Variants in ALDH1A1 observed in about 807,000 individuals in gnomAD.
The protein encoded by ALDH1A1 is aldehyde dehydrogenase 1 family member A1, also known as aldehyde dehydrogenase 1A1.
In ALDH1A1, 19 loss-of-function variants were observed where a neutral mutation model predicts 62.1. The ratio of observed to expected loss-of-function variants is 0.31; its 90% CI spans 0.21 to 0.45. ALDH1A1 has a LOEUF of 0.45. ALDH1A1 is among the 20% of genes least tolerant of loss of function. ALDH1A1 has a pLI of 1.00. For missense variants in ALDH1A1, 521 were observed against 607.1 expected, an observed-to-expected ratio of 0.86 and a Z score of 1.49; for synonymous variants, 231 against 215.9, an observed-to-expected ratio of 1.07 and a Z score of -0.61.
chr9:72,940,322 C>T, intron 1 of ALDH1A1, 70 bp from the exon 2 acceptor site: 1 of 1,119,592 alleles, frequency 8.9e-7, no homozygotes, highest in Non-Finnish European at 1.4e-6. Context: ...TTTTCATAAA[C>T]TTAAACTAAA....
intron 7 of ALDH1A1, among the ~76,000 whole-genome samples, chr9:72,923,151 G>A (rs1035850468): frequency 1.3e-5 from 2 of 152,060 alleles, no homozygotes; most frequent in African/African-American, 4.8e-5. Flanking sequence ...TACCCATTTG[G>A]ACATCATCAT....
At chr9:72,909,869 CT>C in intron 10 of ALDH1A1, 110 bp from the exon 11 acceptor site, 4 of 892,530 alleles carry the variant, frequency 4.5e-6, no homozygotes, top group Non-Finnish European at 6.5e-6. Flanking sequence ...TAAGATTTTG[CT>C]TCTCATCTCA....
chr9:72,927,029 T>G, intron 5 of ALDH1A1, 87 bp downstream of exon 5: 1 of 947,302 alleles, frequency 1.1e-6, no homozygotes, highest in Non-Finnish European at 1.6e-6. Context: ...TACATAAGCA[T>G]CCATCTGTTT....
intron 9 of ALDH1A1, among the ~76,000 whole-genome samples, chr9:72,916,297 A>T (rs1356149939): frequency 6.6e-6 from 1 of 152,210 alleles, no homozygotes; most frequent in East Asian, 1.9e-4. Flanking sequence ...ATGAACAGAG[A>T]ACTATGCAAG....
intron 1 of ALDH1A1, among the ~76,000 whole-genome samples, chr9:72,943,742 A>G (rs931285059): frequency 1.3e-5 from 2 of 152,128 alleles, no homozygotes; most frequent in Non-Finnish European, 2.9e-5. Context: ...GTTATTGTGG[A>G]AAAATGAGAG....
At chr9:72,920,760 T>G (rs1588136011) in intron 7 of ALDH1A1, among the ~76,000 whole-genome samples, 2 of 152,318 alleles carry the variant, frequency 1.3e-5, no homozygotes, top group Non-Finnish European at 2.9e-5. Context: ...ATTCCCTTAT[T>G]TGGAGAAAAG....
At chr9:72,942,299 C>T (rs1830423618) in intron 1 of ALDH1A1, 1 of 985,118 alleles carries the variant, frequency 1.0e-6, no homozygotes, top group East Asian at 1.1e-4. Context: ...TCAACTTGTC[C>T]CGAACTCAGC....
intron 7 of ALDH1A1, among the ~76,000 whole-genome samples, chr9:72,919,814 C>A (rs1261064171): frequency 6.6e-6 from 1 of 152,220 alleles, no homozygotes; most frequent in Non-Finnish European, 1.5e-5. Flanking sequence ...TGGAATCCTA[C>A]AGTTCTGGTT....
chr9:72,952,071 G>A (rs926798674), intron 1 of ALDH1A1, among the ~76,000 whole-genome samples: 1 of 151,892 alleles, frequency 6.6e-6, no homozygotes, highest in African/African-American at 2.4e-5. Flanking sequence ...CAGCAAAATG[G>A]CTCTCTCTTG....
intron 5 of ALDH1A1, among the ~76,000 whole-genome samples, chr9:72,926,404 C>G (rs962540779): frequency 6.6e-6 from 1 of 152,132 alleles, no homozygotes; most frequent in African/African-American, 2.4e-5. Flanking sequence ...AAGTCTTGAC[C>G]ATTTCTTCAC....
chr9:72,901,518 T>G (rs1829803368), intron 12 of ALDH1A1, among the ~76,000 whole-genome samples: 1 of 152,084 alleles, frequency 6.6e-6, no homozygotes, highest in African/African-American at 2.4e-5. Flanking sequence ...TCATGTACTG[T>G]CAGTTGATTT....
chr9:72,949,839 T>A (rs200258872), intron 1 of ALDH1A1, among the ~76,000 whole-genome samples: 29 of 139,152 alleles, frequency 2.1e-4, no homozygotes, highest in South Asian at 2.2e-4. Flanking sequence ...TTCCCTTTTA[T>A]AAAAAAAAAA....
intron 2 of ALDH1A1, among the ~76,000 whole-genome samples, chr9:72,936,375 G>T (rs574839071): frequency 5.2e-4 from 79 of 152,140 alleles, no homozygotes; most frequent in African/African-American, 1.6e-3. Context: ...GATGTTCAAG[G>T]CTCCAGAACT....
chr9:72,907,566 C>T (rs532365870), intron 11 of ALDH1A1, among the ~76,000 whole-genome samples: 1 of 152,244 alleles, frequency 6.6e-6, no homozygotes, highest in African/African-American at 2.4e-5. Flanking sequence ...AGTAAATTTG[C>T]TCATTTTACT....
chr9:72,914,284 T>C (rs1830031292), intron 9 of ALDH1A1, among the ~76,000 whole-genome samples: 1 of 152,202 alleles, frequency 6.6e-6, no homozygotes, highest in African/African-American at 2.4e-5. Flanking sequence ...ATAGAAGTAA[T>C]TGATCTGTAT....
At chr9:72,908,556 A>AG (rs1799730690) in intron 11 of ALDH1A1, among the ~76,000 whole-genome samples, 18 of 3,870 alleles carry the variant, frequency 4.7e-3, no homozygotes, top group African/African-American at 0.011. Flanking sequence ...AAGAAAGAAG[A>AG]AAGAAAGAAA....
chr9:72,943,459 C>G lies in ALDH1A1; in HGVS notation c.67-3207G>C, dbSNP rs527410164. ...TAAAACTGCCACTTTAGATTAAAGC[C>G]AGTGAATGTTTTGTAAATGAGCATT... On this transcript the variant is annotated intron_variant, in intron 1 of 12. Transcript: ENST00000297785. 8.5e-5 allele frequency among the ~76,000 whole-genome samples: 13 copies of G among 152,180 alleles called. No homozygotes were observed. In the East Asian group the frequency reaches 2.3e-3, roughly 27 times the overall value.
At chr9:72,925,190 T>C (rs1247481212) in intron 6 of ALDH1A1, among the ~76,000 whole-genome samples, 1 of 152,234 alleles carries the variant, frequency 6.6e-6, no homozygotes, top group African/African-American at 2.4e-5. Flanking sequence ...GAATGCTACA[T>C]TAATTTCAAC....
intron 2 of ALDH1A1, among the ~76,000 whole-genome samples, chr9:72,935,193 T>C (rs1830333502): frequency 1.3e-5 from 2 of 152,212 alleles, no homozygotes; most frequent in Non-Finnish European, 2.9e-5. Context: ...GTTATTGTTT[T>C]CTTAATTCCA....
Sources: allele counts gnomAD v4.1 joint callset (sites outside exome capture counted in the v4.1 genomes callset), GRCh38; gene constraint gnomAD v4.1.1; transcripts MANE v1.5; gene names NCBI Gene and HGNC (gene_info 2026-07-23, HGNC 2026-07-21).